The following FBN2 variants were observed in gnomAD, a reference collection of about 807,000 sequenced individuals.
FBN2 encodes fibrillin-2.
Under a neutral mutation model 355.6 loss-of-function variants are expected in FBN2, and 105 were observed. That is an observed-to-expected ratio of 0.30 (90% CI 0.25 to 0.35). The LOEUF (loss-of-function observed/expected upper bound fraction) is 0.35, where lower values mean the gene tolerates loss of function less well. Among genes scored for constraint, FBN2 ranks in the 10% least tolerant of loss-of-function variants. The pLI, the probability that FBN2 is intolerant of heterozygous loss-of-function variation, is 1.00. For synonymous variants in FBN2, 1,350 were observed against 1,301.2 expected (o/e 1.04, Z -0.81); for missense variants, 3,280 against 3,758.7 (o/e 0.87, Z 3.33).
At chr5:128,371,885 C>G (rs1751954414) in intron 15 of FBN2, among the ~76,000 whole-genome samples, 1 of 152,130 alleles carries the variant, frequency 6.6e-6, no homozygotes, top group Admixed American at 6.5e-5. Flanking sequence ...AGGTAATTAG[C>G]AGATTCTACA....
rs1001835239 is a variant in FBN2, at chr5:128,389,051, A to G, written c.1603+2967T>C. On this transcript the variant is annotated intron_variant, in intron 11 of 64. Coordinates refer to ENST00000262464, the MANE Select transcript of FBN2 (RefSeq NM_001999.4). The stretch of plus-strand genomic sequence containing the variant: ...TGTTCAATCTTTCTAATTATTTTTT[A>G]TTTTCATCTGACTGAGTTGATTTAA... Among the ~76,000 whole-genome samples the G allele has an allele frequency of 2.6e-5, 4 of 151,982 alleles. No individual in the cohort carries two copies. The East Asian group carries it at 7.7e-4, about 29-fold the overall frequency.
At chr5:128,389,219 T>C (rs1752447016) in intron 11 of FBN2, among the ~76,000 whole-genome samples, 1 of 152,156 alleles carries the variant, frequency 6.6e-6, no homozygotes, top group Non-Finnish European at 1.5e-5. Flanking sequence ...CCAGTGGTGA[T>C]GGGGTGATGA....
rs1189494268 is a variant in FBN2, at chr5:128,475,609, T to G, written c.629-10688A>C. Among the ~76,000 whole-genome samples, 3 of 152,142 alleles carry G rather than the reference T, an allele frequency of 2.0e-5. No homozygotes were observed. The East Asian group carries it at 5.8e-4, about 29-fold the overall frequency. On this transcript the variant is annotated intron_variant, in intron 5 of 64. Coordinates refer to ENST00000262464, the MANE Select transcript of FBN2 (RefSeq NM_001999.4). ...GTTTAAATGAAAAATAACTTCACAC[T>G]TTCAGGTTAGAATGGCTCATGGCAT...
intron 13 of FBN2, among the ~76,000 whole-genome samples, 175 bp downstream of exon 13, chr5:128,377,577 A>G (rs1752112007): frequency 6.6e-6 from 1 of 152,064 alleles, no homozygotes; most frequent in African/African-American, 2.4e-5. Flanking sequence ...AAAACAAACA[A>G]AAAACCTGTC....
At chr5:128,336,813 A>G (rs1411305900) in intron 27 of FBN2, among the ~76,000 whole-genome samples, 1 of 152,230 alleles carries the variant, frequency 6.6e-6, no homozygotes, top group Non-Finnish European at 1.5e-5. Context: ...TGGCAGGGTG[A>G]TACACTTCCT....
chr5:128,376,196 A>G (rs1224129919), intron 14 of FBN2, among the ~76,000 whole-genome samples: 1 of 152,222 alleles, frequency 6.6e-6, no homozygotes, highest in Admixed American at 6.5e-5. Flanking sequence ...GGTTATCATT[A>G]GAGCTTGGTC....
chr5:128,300,374 A>T (rs879106591), intron 48 of FBN2, among the ~76,000 whole-genome samples: 1 of 152,236 alleles, frequency 6.6e-6, no homozygotes, highest in African/African-American at 2.4e-5. Context: ...AAATGGATTA[A>T]TATTTGCTGC....
At chr5:128,311,238 G>A (rs1230333408) in intron 39 of FBN2, 62 bp downstream of exon 39, 7 of 1,587,634 alleles carry the variant, frequency 4.4e-6, no homozygotes, top group Non-Finnish European at 1.7e-6. Context: ...CTTTCCCTCA[G>A]GCCTCAGCAG....
Position 128,273,984 on chromosome 5 carries a change from G to C in FBN2, c.7712-16C>G, listed in dbSNP as rs765698144. 6.2e-7 allele frequency: 1 copy of C among 1,613,816 alleles called. No individual in the cohort carries two copies. Among genetic ancestry groups the C allele is most frequent in the Non-Finnish European group, 8.5e-7 (1 of 1,179,800 alleles). On this transcript the variant is annotated splice_polypyrimidine_tract_variant and intron_variant, in intron 60 of 64. Coordinates refer to ENST00000262464, the MANE Select transcript of FBN2 (RefSeq NM_001999.4). ...TCGTTGTTGTCTGGCAAAGCATCAAGAAGCAGAGCGTCAAACTTTCCAATC... is the reference window on the plus strand; with the variant it reads ...TCGTTGTTGTCTGGCAAAGCATCAACAAGCAGAGCGTCAAACTTTCCAATC...
Position 128,469,074 on chromosome 5 carries a change from G to A in FBN2, c.629-4153C>T, listed in dbSNP as rs1488122365. ...ACTAGATATTGTTCTGGGCTCTGGA[G>A]ATGTAACAGTGAGGGGAAAAAAGTG... On this transcript the variant is annotated intron_variant, in intron 5 of 64. Transcript: ENST00000262464. Among the ~76,000 whole-genome samples, 3 of 152,142 alleles carry A rather than the reference G, an allele frequency of 2.0e-5. 1 individual carries two copies. The highest frequency in any genetic ancestry group is 4.4e-5 in the Non-Finnish European group (3 of 68,028).
At chr5:128,298,009 G>A (rs1199184368) in intron 48 of FBN2, among the ~76,000 whole-genome samples, 4 of 150,852 alleles carry the variant, frequency 2.7e-5, no homozygotes, top group Non-Finnish European at 5.9e-5. Context: ...ACTTCCTTCA[G>A]GAGCTCTTTT....
intron 16 of FBN2, among the ~76,000 whole-genome samples, chr5:128,368,438 A>G (rs1338282610): frequency 0.048 from 6,411 of 134,258 alleles, 192 homozygotes; most frequent in African/African-American, 0.061. Context: ...ATATATACAC[A>G]TATATACATA....
intron 25 of FBN2, among the ~76,000 whole-genome samples, chr5:128,342,258 T>C (rs1581229122): frequency 6.6e-6 from 1 of 151,878 alleles, no homozygotes; most frequent in Non-Finnish European, 1.5e-5. Context: ...AGAAGAAACA[T>C]CATCTGCATA....
intron 5 of FBN2, among the ~76,000 whole-genome samples, chr5:128,475,488 G>A (rs1423324144): frequency 6.6e-6 from 1 of 152,002 alleles, no homozygotes; most frequent in Non-Finnish European, 1.5e-5. Context: ...ACAACATAGA[G>A]CCTAGAAACT....
chr5:128,263,034 C>T (rs1262914479), intron 63 of FBN2, among the ~76,000 whole-genome samples: 1 of 152,180 alleles, frequency 6.6e-6, no homozygotes, highest in Non-Finnish European at 1.5e-5. Context: ...TAGCACCTTC[C>T]AGAATTTGTA....
intron 4 of FBN2, among the ~76,000 whole-genome samples, chr5:128,525,184 C>T (rs1212814145): frequency 1.3e-5 from 2 of 152,154 alleles, no homozygotes; most frequent in African/African-American, 4.8e-5. Flanking sequence ...TCAGTTGAGG[C>T]AAGGCAAGGC....
At chr5:128,498,432 T>C (rs1755713747) in intron 5 of FBN2, among the ~76,000 whole-genome samples, 1 of 152,212 alleles carries the variant, frequency 6.6e-6, no homozygotes, top group Admixed American at 6.5e-5. Flanking sequence ...TCTTGTCTAG[T>C]TCAGCTCTAG....
Position 128,383,140 on chromosome 5 carries a change from G to T in FBN2, c.1604-4250C>A, listed in dbSNP as rs190134740. On this transcript the variant is annotated intron_variant, in intron 11 of 64. Transcript: ENST00000262464. ...ATGCAGACAGGGGGAACACTGGCAG[G>T]ATGCAGCAAGCCCCTAAGTAGGTGA... Among the ~76,000 whole-genome samples the T allele has an allele frequency of 4.6e-5, 7 of 152,218 alleles. No individual in the cohort carries two copies. In the East Asian group the frequency reaches 1.4e-3, roughly 29 times the overall value.
intron 37 of FBN2, 76 bp downstream of exon 37, chr5:128,312,558 C>T: frequency 6.5e-7 from 1 of 1,549,922 alleles, no homozygotes; most frequent in Non-Finnish European, 8.9e-7. Flanking sequence ...CTCCTCACTC[C>T]CAGCTCAGGA....
Sources: gnomAD v4.1 joint callset for allele counts (sites outside exome capture counted in the v4.1 genomes callset) on GRCh38, gnomAD v4.1.1 for gene constraint, MANE v1.5 for transcripts, NCBI Gene and HGNC (gene_info 2026-07-23, HGNC 2026-07-21) for gene names.